Variants in EFCAB9 observed in about 807,000 individuals in gnomAD.
EFCAB9 encodes the protein EF-hand calcium binding domain 9.
Under a neutral mutation model 15.6 loss-of-function variants are expected in EFCAB9, and 16 were observed. The ratio of observed to expected loss-of-function variants is 1.03; its 90% CI spans 0.69 to 1.56. The LOEUF (loss-of-function observed/expected upper bound fraction) is 1.56. Ranked by LOEUF, EFCAB9 falls within the 40% of genes most tolerant of loss-of-function variation. The pLI is 0.00. For missense variants in EFCAB9, 208 were observed against 235.4 expected (o/e 0.88, Z 0.76); for synonymous variants, 76 against 85.4 (o/e 0.89, Z 0.61).
chr5:172,203,141 AATCCT>A, intron 3 of EFCAB9, 68 bp from the exon 4 acceptor site: 1 of 1,340,546 alleles, frequency 7.5e-7, no homozygotes, highest in Non-Finnish European at 9.9e-7. Context: ...AAATGAATAT[AATCCT>A]ATCATCTGAA....
At chr5:172,200,780 T>G in intron 3 of EFCAB9, 38 bp downstream of exon 3, 1 of 1,509,148 alleles carries the variant, frequency 6.6e-7, no homozygotes, top group Non-Finnish European at 8.8e-7. Flanking sequence ...TGTGTGGCAG[T>G]CTCTTCCCAA....
rs1771120261 is a variant in EFCAB9 at position 172,194,308 on chromosome 5, G to A, written c.136G>A (p.Asp46Asn). 2 of 1,537,732 alleles carry A rather than the reference G, an allele frequency of 1.3e-6. No individual in the cohort carries two copies. The highest frequency in any genetic ancestry group is 1.7e-6 in the Non-Finnish European group (2 of 1,147,030). ...CGTGCACGGCAAGAACACCTTGAAT[G>A]GTCAGTACTTTCAGACATGTCTCCT... ...LDVHGKNTLN[D>N]VLFYHFLHHV... is the part of the protein sequence containing the mutation. Residue 46 changes from aspartate to asparagine, a missense_variant and splice_region_variant, in exon 1 of 4, where the codon GAT (aspartate) becomes AAT (asparagine). By Grantham distance (23) the Asp-to-Asn change is conservative (BLOSUM62 1). Transcript: ENST00000398186.
intron 1 of EFCAB9, among the ~76,000 whole-genome samples, chr5:172,198,248 C>T (rs942731457): frequency 7.9e-5 from 12 of 152,148 alleles, no homozygotes; most frequent in African/African-American, 2.9e-4. Context: ...CTGGCTCACA[C>T]CTATAATCTC....
At chr5:172,198,956 G>C (rs1263692476) in intron 1 of EFCAB9, among the ~76,000 whole-genome samples, 1 of 152,158 alleles carries the variant, frequency 6.6e-6, no homozygotes, top group Admixed American at 6.5e-5. Flanking sequence ...TTATCTCAAG[G>C]GAAAGGCAAA....
At chr5:172,201,178 C>A (rs1771251052) in intron 3 of EFCAB9, among the ~76,000 whole-genome samples, 1 of 151,856 alleles carries the variant, frequency 6.6e-6, no homozygotes, top group Admixed American at 6.6e-5. Context: ...GAATTTGAGA[C>A]CAGCCTGACC....
chr5:172,203,124 A>T, intron 3 of EFCAB9, 90 bp from the exon 4 acceptor site: 1 of 1,267,064 alleles, frequency 7.9e-7, no homozygotes, highest in Non-Finnish European at 1.1e-6. Flanking sequence ...CCAAGTTTTT[A>T]AAATAGAAAT....
chr5:172,203,190 C>CTCT, intron 3 of EFCAB9, 24 bp from the exon 4 acceptor site: 1 of 1,454,368 alleles, frequency 6.9e-7, no homozygotes, highest in Non-Finnish European at 9.1e-7. Flanking sequence ...AATAATTTTT[C>CTCT]TTTCCCCCCC....
chr5:172,194,402 A>G (rs1391377811), intron 1 of EFCAB9, 94 bp downstream of exon 1: 1 of 1,421,068 alleles, frequency 7.0e-7, no homozygotes, highest in Non-Finnish European at 9.2e-7. Context: ...TTTTGTTAGT[A>G]CATTTTTTTT....
At chr5:172,201,530 C>T (rs1771256507) in intron 3 of EFCAB9, among the ~76,000 whole-genome samples, 1 of 150,996 alleles carries the variant, frequency 6.6e-6, no homozygotes, top group Admixed American at 6.7e-5. Context: ...CTGGGTGACA[C>T]AGGGAGACTC....
Position 172,200,609 on chromosome 5 carries a change from T to C in EFCAB9, c.329T>C (p.Val110Ala). 1 of 1,537,270 alleles carries C rather than the reference T, an allele frequency of 6.5e-7. No homozygotes were observed. Among genetic ancestry groups the C allele is most frequent in the Admixed American group, 2.0e-5 (1 of 50,978 alleles). The change falls in exon 3 of 4, where the codon GTC becomes GCC. Residue 110 changes from valine to alanine, a missense_variant. Val to Ala is a moderately conservative substitution (Grantham distance 64, BLOSUM62 0). Transcript: ENST00000398186. ...GQFMYRHSRP[V>A]FDLLDLKGDL... ...TTTATGTATCGTCATTCCCGGCCTG[T>C]CTTTGACCTGCTTGACCTGAAAGGG...
Position 172,203,215 on chromosome 5 carries a change from G to A in EFCAB9, c.464G>A (p.Arg155His), listed in dbSNP as rs555974808. Residue 155 changes from arginine to histidine, a missense_variant and splice_region_variant, in exon 4 of 4, where the codon CGT becomes CAT. Physicochemically the swap from Arg to His is conservative, Grantham distance 29. Transcript: ENST00000398186. The stretch of plus-strand genomic sequence containing the variant: ...CTTTCCCCCCCACCCTAACCAAAGC[G>A]TCTTAATTATCAGGAATTTAAGCTG... ...FRDFDITGDN[R>H]LNYQEFKLYT... The A allele has an allele frequency of 2.9e-5, 44 of 1,511,618 alleles. No homozygotes were observed. The highest frequency in any genetic ancestry group is 1.7e-4 in the Middle Eastern group (1 of 5,870). The allele number at this position is 1,511,618 out of a possible 1,614,324, so 93.6% of individuals were successfully genotyped here.
rs184352172 is a variant in EFCAB9 at position 172,199,644 on chromosome 5, G to A, written c.285+113G>A. On this transcript the variant is annotated intron_variant, in intron 2 of 3. Transcript: ENST00000398186. The stretch of plus-strand genomic sequence containing the variant: ...AAGAGGAAGAAAAGATGGGTGGTGG[G>A]GAAAATGAGTTTTGGTTCCCGAATG... The A allele has an allele frequency of 8.6e-5, 121 of 1,414,672 alleles. 1 individual carries two copies. The Admixed American group carries it at 2.8e-3, about 33-fold the overall frequency. The allele number at this position is 1,414,672 out of a possible 1,614,324, so 87.6% of individuals were successfully genotyped here.
rs997051535 is a variant in EFCAB9, at chr5:172,194,180, T to C, written c.8T>C (p.Leu3Pro). The change falls in exon 1 of 4, where the codon CTG (leucine) becomes CCG (proline). Residue 3 changes from leucine to proline, a missense_variant. Transcript: ENST00000398186. ...AGTTGACACAGTACTAAGATGAGAC[T>C]GAAGCAAGGATCGTTTCTGTGGTAC... MR[L>P]KQGSFLWYLY... 6.5e-7 allele frequency: 1 copy of C among 1,537,268 alleles called. No homozygotes were observed. The highest frequency in any genetic ancestry group is 1.4e-5 in the African/African-American group (1 of 73,054).
intron 1 of EFCAB9, among the ~76,000 whole-genome samples, chr5:172,198,031 T>C (rs1771189936): frequency 6.6e-6 from 1 of 152,162 alleles, no homozygotes; most frequent in Non-Finnish European, 1.5e-5. Context: ...AGAGTGCTGA[T>C]TCGTGCATTT....
intron 1 of EFCAB9, among the ~76,000 whole-genome samples, chr5:172,194,887 A>G (rs990505210): frequency 6.6e-6 from 1 of 151,946 alleles, no homozygotes; most frequent in Admixed American, 6.6e-5. Flanking sequence ...TTCCTCATCT[A>G]GAGGTGAGGC....
intron 2 of EFCAB9, 61 bp downstream of exon 2, chr5:172,199,592 A>C (rs1014805891): frequency 6.6e-7 from 1 of 1,509,214 alleles, no homozygotes; most frequent in Non-Finnish European, 8.8e-7. Context: ...TTAGGAATGC[A>C]TCAGAAGTTT....
rs368627953 is a variant in EFCAB9 at position 172,201,218 on chromosome 5, A to G, written c.462+476A>G. On this transcript the variant is annotated intron_variant, in intron 3 of 3. Coordinates refer to ENST00000398186, the MANE Select transcript of EFCAB9 (RefSeq NM_001171183.2). Reference sequence around the variant, plus strand: ...CGGAGAAACCCTGTCCCTACTAAAAATACAAAATCAGCCAGGCGCAGTGGC... The same window carrying G: ...CGGAGAAACCCTGTCCCTACTAAAAGTACAAAATCAGCCAGGCGCAGTGGC... Among the ~76,000 whole-genome samples, 171 of 152,178 alleles carry G rather than the reference A, an allele frequency of 1.1e-3. 1 individual carries two copies. The highest frequency in any genetic ancestry group is 4.0e-3 in the African/African-American group (165 of 41,510).
chr5:172,195,468 G>C (rs1178390579), intron 1 of EFCAB9, among the ~76,000 whole-genome samples: 3 of 152,160 alleles, frequency 2.0e-5, no homozygotes, highest in Non-Finnish European at 4.4e-5. Context: ...ACAGTGCATT[G>C]CCAAATCTTC....
chr5:172,199,355 A>C, intron 1 of EFCAB9, 28 bp from the exon 2 acceptor site: 2 of 1,535,584 alleles, frequency 1.3e-6, no homozygotes, highest in Non-Finnish European at 1.7e-6. Context: ...TCCAAATAAC[A>C]CATCTCCTCA....
Sources: gnomAD v4.1 joint callset for allele counts (sites outside exome capture counted in the v4.1 genomes callset) on GRCh38, gnomAD v4.1.1 for gene constraint, MANE v1.5 for transcripts, NCBI Gene and HGNC (gene_info 2026-07-23, HGNC 2026-07-21) for gene names.